CRACDL: variants seen among roughly 807,000 people sequenced by gnomAD.
CRACDL encodes the protein CRACD like.
A neutral mutation model predicts 70.6 loss-of-function variants in CRACDL; 26 were observed. The ratio of observed to expected loss-of-function variants is 0.37; its 90% CI spans 0.27 to 0.51. The LOEUF is 0.51. Among genes scored for constraint, CRACDL ranks in the 20% least tolerant of loss-of-function variants. CRACDL has a pLI of 0.94. For synonymous variants in CRACDL, 618 were observed against 615.2 expected (o/e 1.00, Z -0.07); for missense variants, 1,283 against 1,376.9 (o/e 0.93, Z 1.08).
At chr2:98,870,913 C>T (rs777320248) in intron 1 of CRACDL, among the ~76,000 whole-genome samples, 19 of 152,222 alleles carry the variant, frequency 1.2e-4, no homozygotes, top group Non-Finnish European at 2.5e-4. Context: ...CAAGACATCA[C>T]TCCACACTGA....
At chr2:98,839,806 A>G (rs1332540365) in intron 2 of CRACDL, among the ~76,000 whole-genome samples, 4 of 152,214 alleles carry the variant, frequency 2.6e-5, no homozygotes, top group South Asian at 2.1e-4. Flanking sequence ...GCAAAAAATT[A>G]TTAATAATAT....
intron 7 of CRACDL, among the ~76,000 whole-genome samples, chr2:98,820,358 C>T (rs937811633): frequency 1.3e-5 from 2 of 151,792 alleles, no homozygotes; most frequent in Non-Finnish European, 2.9e-5. Flanking sequence ...GGTGAAACCT[C>T]GTCTCTACCA....
intron 1 of CRACDL, among the ~76,000 whole-genome samples, chr2:98,855,747 G>A (rs1706674471): frequency 6.6e-6 from 1 of 152,092 alleles, no homozygotes; most frequent in African/African-American, 2.4e-5. Context: ...TTAAAAGAAG[G>A]GATGATTACA....
At chr2:98,854,917 T>C (rs1450151889) in intron 1 of CRACDL, among the ~76,000 whole-genome samples, 1 of 152,224 alleles carries the variant, frequency 6.6e-6, no homozygotes, top group East Asian at 1.9e-4. Context: ...AAAAGTTACA[T>C]ATGGACTGTG....
intron 2 of CRACDL, 93 bp downstream of exon 2, chr2:98,846,638 C>T (rs932706259): frequency 9.6e-7 from 1 of 1,036,630 alleles, no homozygotes; most frequent in African/African-American, 1.6e-5. Flanking sequence ...ACTTTTCATA[C>T]AGAAAGCCCC....
chr2:98,805,263 T>A (rs1299153481), intron 7 of CRACDL, among the ~76,000 whole-genome samples: 1 of 152,132 alleles, frequency 6.6e-6, no homozygotes, highest in Non-Finnish European at 1.5e-5. Context: ...ATGCATATTA[T>A]TCTTCAATTA....
intron 5 of CRACDL, among the ~76,000 whole-genome samples, chr2:98,830,540 G>A (rs951327620): frequency 5.3e-5 from 8 of 152,212 alleles, no homozygotes; most frequent in Admixed American, 3.9e-4. Flanking sequence ...GCCTCAAAAT[G>A]CAATCATTGT....
At chr2:98,841,722 ACT>A (rs749199564) in intron 2 of CRACDL, among the ~76,000 whole-genome samples, 2 of 152,026 alleles carry the variant, frequency 1.3e-5, no homozygotes, top group Non-Finnish European at 2.9e-5. Flanking sequence ...TTTCTCCATC[ACT>A]CCTGAAATAC....
chr2:98,903,923 A>G (rs1215271365), intron 1 of CRACDL, among the ~76,000 whole-genome samples: 2 of 152,326 alleles, frequency 1.3e-5, no homozygotes, highest in Non-Finnish European at 2.9e-5. Context: ...CCCGGCCCTC[A>G]GCCTGGGTGA....
At chr2:98,846,043 A>G (rs1432425605) in intron 2 of CRACDL, among the ~76,000 whole-genome samples, 1 of 152,182 alleles carries the variant, frequency 6.6e-6, no homozygotes, top group African/African-American at 2.4e-5. Flanking sequence ...AATAAGAGAG[A>G]GATGGAGGCC....
intron 1 of CRACDL, among the ~76,000 whole-genome samples, chr2:98,921,913 C>T (rs1266936253): frequency 1.3e-5 from 2 of 152,178 alleles, no homozygotes; most frequent in Non-Finnish European, 2.9e-5. Flanking sequence ...AACATTATTA[C>T]TTTCTCGGAC....
At chr2:98,897,287 G>A in intron 1 of CRACDL, 2 of 773,624 alleles carry the variant, frequency 2.6e-6, no homozygotes, top group South Asian at 3.1e-5. Context: ...ATGTACCGGT[G>A]GTTTGTTCCT....
At position 98,863,585 on chromosome 2, in the gene CRACDL, A is replaced by G. The variant is rs530274956; in HGVS notation, c.-10-16775T>C. On this transcript the variant is annotated intron_variant, in intron 1 of 9. Transcript: ENST00000397899. ...GAGACTAGCACTTTTTTAAAAAAAGAGGTACAGGCTTTTAAAACCAACTTA... is the reference window on the plus strand; with the variant it reads ...GAGACTAGCACTTTTTTAAAAAAAGGGGTACAGGCTTTTAAAACCAACTTA... 2.0e-5 allele frequency among the ~76,000 whole-genome samples: 3 copies of G among 152,330 alleles called. No individual in the cohort carries two copies. In the Middle Eastern group the frequency reaches 0.01, roughly 518 times the overall value.
chr2:98,918,970 TG>T (rs1708734456), intron 1 of CRACDL, among the ~76,000 whole-genome samples: 1 of 152,228 alleles, frequency 6.6e-6, no homozygotes, highest in Non-Finnish European at 1.5e-5. Context: ...TTTTGTTGGA[TG>T]TACTTTTGAG....
Position 98,846,821 on chromosome 2 carries a change from A to G in CRACDL, c.-10-11T>C. ...ATCATGTCAAGCTCGCTGAAATTAT[A>G]TGGAAATTCACGTTAAAGAAACATG... is the stretch of plus-strand genomic sequence containing the variant. On this transcript the variant is annotated splice_polypyrimidine_tract_variant and intron_variant, in intron 1 of 9. Transcript: ENST00000397899. The G allele has an allele frequency of 1.2e-6, 2 of 1,608,124 alleles. No homozygotes were observed. The highest frequency in any genetic ancestry group is 1.7e-5 in the Admixed American group (1 of 60,026).
At chr2:98,864,045 G>GT (rs1707037411) in intron 1 of CRACDL, among the ~76,000 whole-genome samples, 1 of 152,086 alleles carries the variant, frequency 6.6e-6, no homozygotes, top group Non-Finnish European at 1.5e-5. Flanking sequence ...GATTAAGATG[G>GT]TAAGTTTTAT....
intron 1 of CRACDL, among the ~76,000 whole-genome samples, chr2:98,914,331 T>A (rs1260526494): frequency 6.6e-6 from 1 of 152,156 alleles, no homozygotes; most frequent in East Asian, 1.9e-4. Context: ...CAGGCCTGTT[T>A]CCTGGGCTGG....
chr2:98,854,026 G>A (rs1471763453), intron 1 of CRACDL, among the ~76,000 whole-genome samples: 3 of 152,170 alleles, frequency 2.0e-5, no homozygotes, highest in Non-Finnish European at 1.5e-5. Context: ...GCTCACACCT[G>A]TAATACCAGC....
chr2:98,865,881 A>G (rs1323263978), intron 1 of CRACDL, among the ~76,000 whole-genome samples: 1 of 149,898 alleles, frequency 6.7e-6, no homozygotes, highest in African/African-American at 2.5e-5. Context: ...GCTCACTACA[A>G]CCTCTGTCTC....
Sources: gnomAD v4.1 joint callset for allele counts (sites outside exome capture counted in the v4.1 genomes callset) on GRCh38, gnomAD v4.1.1 for gene constraint, MANE v1.5 for transcripts, NCBI Gene and HGNC (gene_info 2026-07-23, HGNC 2026-07-21) for gene names.